Variants in C11orf65 observed in about 807,000 individuals in gnomAD.
C11orf65 encodes protein MFI.
A neutral mutation model predicts 35.3 loss-of-function variants in C11orf65; 38 were observed. That is an observed-to-expected ratio of 1.08 (90% confidence interval 0.83 to 1.41). The LOEUF (loss-of-function observed/expected upper bound fraction) is 1.41. Among genes scored for constraint, C11orf65 ranks in the 40% most tolerant of loss-of-function variants. The probability of loss-of-function intolerance (pLI) is 0.00; values close to 1 mark genes in which losing one functional copy is unlikely to be tolerated. For missense variants in C11orf65, 370 were observed against 367.1 expected (o/e 1.01, Z -0.06); for synonymous variants, 105 against 114.4 (o/e 0.92, Z 0.53).
intron 2 of C11orf65, among the ~76,000 whole-genome samples, chr11:108,372,536 T>G (rs951413696): frequency 5.9e-5 from 9 of 152,184 alleles, no homozygotes; most frequent in African/African-American, 9.7e-5. Flanking sequence ...TTTCCATGAT[T>G]ATGAGAGTTG....
chr11:108,314,092 AGG>A (rs1166246027), intron 6 of C11orf65, among the ~76,000 whole-genome samples: 2 of 152,072 alleles, frequency 1.3e-5, no homozygotes. Flanking sequence ...CAGACTTTGT[AGG>A]ACTGTATTTT....
chr11:108,467,777 A>G (rs764438766), upstream of C11orf65, among the ~76,000 whole-genome samples: 18 of 152,320 alleles, frequency 1.2e-4, no homozygotes, highest in Admixed American at 3.9e-4. Context: ...CATTTCAACC[A>G]AGAACCTTAA....
intron 6 of C11orf65, among the ~76,000 whole-genome samples, chr11:108,323,808 G>A (rs2085404171): frequency 6.6e-6 from 1 of 152,148 alleles, no homozygotes; most frequent in African/African-American, 2.4e-5. Context: ...GTGCACAAAT[G>A]CTTATGCTCT....
intron 7 of C11orf65, among the ~76,000 whole-genome samples, chr11:108,389,091 C>A (rs1825640704): frequency 6.6e-6 from 1 of 152,256 alleles, no homozygotes; most frequent in South Asian, 2.1e-4. Context: ...GCCATTCTAA[C>A]TGTCCAACTG....
Position 108,383,136 on chromosome 11 carries a change from T to C in C11orf65, c.827A>G (p.Tyr276Cys), listed in dbSNP as rs555171100. The change falls in exon 9 of 9, where the codon TAT becomes TGT. Residue 276 changes from tyrosine to cysteine, a missense_variant. Transcript: ENST00000393084. ...FNQAQKNIYN[Y>C]GGDISKMQMG... ...TTGCATCTTTGATATGTCTCCTCCA[T>C]AGTTATATATGTTTTTCTGTGCTTG... 1.9e-6 allele frequency: 3 copies of C among 1,606,874 alleles called. No individual in the cohort carries two copies. Among genetic ancestry groups the C allele is most frequent in the African/African-American group, 2.7e-5 (2 of 74,642 alleles).
At chr11:108,416,450 G>A (rs1254742058) in intron 3 of C11orf65, among the ~76,000 whole-genome samples, 3 of 152,176 alleles carry the variant, frequency 2.0e-5, no homozygotes, top group Admixed American at 1.3e-4. Flanking sequence ...GGGAGGCTGA[G>A]GCAGGTGGAT....
At chr11:108,343,783 A>G (rs2087916105) in intron 2 of C11orf65, among the ~76,000 whole-genome samples, 1 of 152,120 alleles carries the variant, frequency 6.6e-6, no homozygotes, top group South Asian at 2.1e-4. Context: ...CCCATCTCTA[A>G]AAAACAAACA....
chr11:108,445,283 A>T (rs1242069452), intron 2 of C11orf65, among the ~76,000 whole-genome samples: 2 of 152,148 alleles, frequency 1.3e-5, no homozygotes, highest in East Asian at 3.9e-4. Context: ...GCAGCTGGAG[A>T]TCTGAGAATG....
chr11:108,406,151 T>C (rs565818595), intron 5 of C11orf65, among the ~76,000 whole-genome samples: 5 of 152,366 alleles, frequency 3.3e-5, no homozygotes, highest in Admixed American at 1.3e-4. Flanking sequence ...TCCTGTTTAC[T>C]TGACTGTCTC....
At chr11:108,431,948 A>G (rs994826889) in intron 2 of C11orf65, 110 bp from the exon 3 acceptor site, 6 of 526,832 alleles carry the variant, frequency 1.1e-5, no homozygotes, top group Non-Finnish European at 2.0e-5. Context: ...ATAGATTTTT[A>G]TGTATCCACA....
At chr11:108,459,876 G>A (rs2093452335) in intron 2 of C11orf65, among the ~76,000 whole-genome samples, 1 of 152,132 alleles carries the variant, frequency 6.6e-6, no homozygotes, top group Admixed American at 6.6e-5. Context: ...AAAGGTGTGT[G>A]GCTGGTTGGA....
intron 2 of C11orf65, among the ~76,000 whole-genome samples, chr11:108,357,357 G>T (rs1030924415): frequency 6.6e-6 from 1 of 152,166 alleles, no homozygotes; most frequent in African/African-American, 2.4e-5. Flanking sequence ...AGGTGGCAGC[G>T]AGGCTGGGGG....
intron 2 of C11orf65, chr11:108,335,379 T>A (rs1323156635): frequency 2.0e-6 from 2 of 1,008,058 alleles, no homozygotes; most frequent in African/African-American, 1.6e-5. Context: ...TTGCTTCTTA[T>A]GAAAAAAAAT....
chr11:108,442,618 G>C (rs2135528397), intron 2 of C11orf65, among the ~76,000 whole-genome samples: 1 of 152,284 alleles, frequency 6.6e-6, no homozygotes, highest in Non-Finnish European at 1.5e-5. Flanking sequence ...CAGAATAACA[G>C]CGGATCTCTC....
intron 8 of C11orf65, among the ~76,000 whole-genome samples, chr11:108,383,727 G>C (rs111559044): frequency 0.036 from 5,479 of 152,214 alleles, 146 homozygotes; most frequent in Middle Eastern, 0.092. Flanking sequence ...CATCTTCAAT[G>C]TATCACCTTC....
intron 2 of C11orf65, among the ~76,000 whole-genome samples, chr11:108,442,475 T>C (rs1221031424): frequency 1.3e-5 from 2 of 151,966 alleles, no homozygotes; most frequent in African/African-American, 2.4e-5. Flanking sequence ...ATACAGAGAA[T>C]GCCACAAAGA....
At position 108,362,978 on chromosome 11, in the gene C11orf65, AAAAC is replaced by A. The variant is rs202064235; in HGVS notation, c.227-27690_227-27687del. Among the ~76,000 whole-genome samples the A allele has an allele frequency of 5.8e-3, 889 of 152,158 alleles. 12 individuals are homozygous for A. The highest frequency in any genetic ancestry group is 0.018 in the African/African-American group (752 of 41,504). The stretch of plus-strand genomic sequence containing the variant: ...AAAAAAAACTAAAAAAACAAACAAC[AAAAC>A]AAACAAACAAAAAAAACACACCCTC... On this transcript the variant is annotated intron_variant, in intron 2 of 3. Transcript: ENST00000524755.
intron 6 of C11orf65, among the ~76,000 whole-genome samples, chr11:108,398,322 A>G (rs945938040): frequency 2.0e-4 from 31 of 152,206 alleles, no homozygotes; most frequent in African/African-American, 7.5e-4. Flanking sequence ...TTGATGACAG[A>G]TTACATGTAG....
chr11:108,347,237 T>C (rs1470971546), intron 2 of C11orf65: 2 of 1,378,276 alleles, frequency 1.5e-6, no homozygotes, highest in Non-Finnish European at 2.1e-6. Context: ...TAGAAAGAGA[T>C]GGAATCAGTG....
Sources: gnomAD v4.1 joint callset for allele counts (sites outside exome capture counted in the v4.1 genomes callset) on GRCh38, gnomAD v4.1.1 for gene constraint, MANE v1.5 for transcripts, NCBI Gene and HGNC (gene_info 2026-07-23, HGNC 2026-07-21) for gene names.